MUC5B: variants seen among roughly 807,000 people sequenced by gnomAD.
MUC5B encodes mucin 5B, oligomeric mucus/gel-forming.
Under a neutral mutation model 376.9 loss-of-function variants are expected in MUC5B, and 116 were observed. That is an observed-to-expected ratio of 0.31 (90% CI 0.26 to 0.36). The LOEUF (loss-of-function observed/expected upper bound fraction) is 0.36, where lower values mean the gene tolerates loss of function less well. Ranked by LOEUF, MUC5B falls within the 10% of genes least tolerant of loss-of-function variation. The pLI, the probability that MUC5B is intolerant of heterozygous loss-of-function variation, is 1.00. For synonymous variants in MUC5B, 3,517 were observed against 3,390.9 expected, an observed-to-expected ratio of 1.04 and a Z score of -1.29; for missense variants, 7,165 against 7,769.9, an observed-to-expected ratio of 0.92 and a Z score of 2.93.
intron 31 of MUC5B, 36 bp downstream of exon 31, chr11:1,251,779 C>T: frequency 4.9e-6 from 7 of 1,431,922 alleles, no homozygotes; most frequent in Non-Finnish European, 5.8e-6. Flanking sequence ...GTACCCTTTC[C>T]CCACATGCTA....
rs1862296013 is a variant in MUC5B, at chr11:1,241,949, C to T, written c.5069C>T (p.Thr1690Ile). The T allele has an allele frequency of 6.2e-7, 1 of 1,606,300 alleles. No homozygotes were observed. The change falls in exon 31 of 49, where the codon ACA (threonine) becomes ATA (isoleucine). Residue 1690 changes from threonine to isoleucine, a missense_variant. This residue lies in a region of MUC5B where 897 missense variants were observed against 779.6 expected (regional missense o/e 1.15). Transcript: ENST00000529681. ...STEPTVPGVA[T>I]STLPTRSALP... ...GAACCCACTGTCCCAGGGGTGGCCA[C>T]ATCCACCCTTCCAACACGCTCAGCC...
intron 25 of MUC5B, among the ~76,000 whole-genome samples, chr11:1,237,376 GT>G (rs1489689527): frequency 6.6e-6 from 1 of 152,212 alleles, no homozygotes; most frequent in Non-Finnish European, 1.5e-5. Context: ...CATCTTGGCT[GT>G]TTCCCGGCCA....
At position 1,261,603 on chromosome 11, in the gene MUC5B, G is replaced by A; in HGVS notation, c.17284G>A (p.Val5762Ile). 3 of 1,602,566 alleles carry A rather than the reference G, an allele frequency of 1.9e-6. No homozygotes were observed. In the African/African-American group the frequency reaches 4.0e-5, roughly 21 times the overall value. Residue 5762 changes from valine (V) to isoleucine (I), a missense_variant, in exon 49 of 49, where the codon GTC (valine) becomes ATC (isoleucine). Transcript: ENST00000529681. ...CTTCCCGGCCCAGGAGGCCACTGCT[G>A]TCTGAGAACGTTCTGCCTCCATCCC... Reference protein sequence around the residue: ...RGFPAQEATAV With the variant: ...RGFPAQEATAI
At chr11:1,229,077 T>C in intron 8 of MUC5B, 93 bp from the exon 9 acceptor site, 2 of 1,380,198 alleles carry the variant, frequency 1.4e-6, no homozygotes, top group South Asian at 1.5e-5. Context: ...GTGGACTTGA[T>C]GGCATGTGGA....
chr11:1,250,862 C>T lies in MUC5B; in HGVS notation c.13982C>T (p.Thr4661Ile), dbSNP rs777230065. 6 of 1,604,622 alleles carry T rather than the reference C, an allele frequency of 3.7e-6. No individual in the cohort carries two copies. In the East Asian group the frequency reaches 1.4e-4, roughly 36 times the overall value. The part of the protein sequence containing the change: ...VLTTTTTTVA[T>I]GSMATPSSST... ...ACCACCACCACCACAACTGTGGCCA[C>T]TGGTTCTATGGCAACACCCTCCTCT... is the stretch of plus-strand genomic sequence containing the variant. Residue 4661 changes from threonine to isoleucine, a missense_variant, in exon 31 of 49, where the codon ACT becomes ATT. By Grantham distance (89) the Thr-to-Ile change is moderately conservative. Transcript: ENST00000529681.
rs1301802869 is a variant in MUC5B at position 1,236,129 on chromosome 11, G to A, written c.2881-257G>A. On this transcript the variant is annotated intron_variant, in intron 23 of 48. Transcript: ENST00000529681. ...GCTGGATGGGGAGCAGGGTGGGGTG[G>A]AGTGGGCCTACTGCAGCCTCTGCTG... is the stretch of plus-strand genomic sequence containing the variant. Among the ~76,000 whole-genome samples the A allele has an allele frequency of 2.6e-5, 4 of 152,260 alleles. No individual in the cohort carries two copies. The East Asian group carries it at 5.8e-4, about 22-fold the overall frequency.
intron 18 of MUC5B, 94 bp downstream of exon 18, chr11:1,233,362 T>C: frequency 5.2e-6 from 7 of 1,356,964 alleles, no homozygotes; most frequent in Non-Finnish European, 6.8e-6. Context: ...CCGAGGGTTC[T>C]GAGACATGAG....
At position 1,243,436 on chromosome 11, in the gene MUC5B, C is replaced by T. The variant is rs1175216816; in HGVS notation, c.6556C>T (p.His2186Tyr). The change falls in exon 31 of 49, where the codon CAC (histidine) becomes TAC (tyrosine). Residue 2186 changes from histidine (H) to tyrosine (Y), a missense_variant. His to Tyr is a moderately conservative substitution (Grantham distance 83, BLOSUM62 2). This residue lies in a region of MUC5B where 67 missense variants were observed against 103.0 expected (regional missense o/e 0.65). Transcript: ENST00000529681. The stretch of plus-strand genomic sequence containing the variant: ...TCCCTCCTCTGCCCTAGGGACCACC[C>T]ACACACCCCCAGTGCCGAACACCAT... ...VTPSSALGTTHTPPVPNTMAT... is the reference protein window; with the variant it reads ...VTPSSALGTTYTPPVPNTMAT... 1 of 1,480,388 alleles carries T rather than the reference C, an allele frequency of 6.8e-7. No homozygotes were observed. The highest frequency in any genetic ancestry group is 1.4e-5 in the African/African-American group (1 of 69,936). 91.7% of individuals were successfully genotyped at this position (1,480,388 alleles called of 1,614,324 possible).
chr11:1,229,596 C>T, intron 9 of MUC5B, 94 bp from the exon 10 acceptor site: 1 of 1,154,902 alleles, frequency 8.7e-7, no homozygotes, highest in Non-Finnish European at 1.2e-6. Flanking sequence ...AGGAATTCCT[C>T]CCCAAGGGAG....
In MUC5B at chr11:1,255,360, G is replaced by A. The variant is rs370026071; in HGVS notation, c.15891-23G>A. 4.1e-5 allele frequency: 64 copies of A among 1,572,798 alleles called. No homozygotes were observed. The African/African-American group carries it at 5.7e-4, about 14-fold the overall frequency. ...AGCTCCCTGGGGCTGGGGGCCCTCC[G>A]TCCTGATCGCTTTGCCCCACAGGGT... is the stretch of plus-strand genomic sequence containing the variant. On this transcript the variant is annotated intron_variant, in intron 36 of 48. Coordinates refer to ENST00000529681, the MANE Select transcript of MUC5B (RefSeq NM_002458.3).
chr11:1,236,714 G>A (rs949532147), intron 24 of MUC5B, among the ~76,000 whole-genome samples, 152 bp downstream of exon 24: 2 of 152,212 alleles, frequency 1.3e-5, no homozygotes, highest in Non-Finnish European at 2.9e-5. Flanking sequence ...AGTGGGCAGA[G>A]GATTTTGCAG....
chr11:1,239,402 TG>T (rs34074919), intron 26 of MUC5B, 35 bp from the exon 27 acceptor site: 118,431 of 1,584,942 alleles, frequency 0.075, 4,934 homozygotes, highest in Admixed American at 0.12. Context: ...TGAGGGCTGG[TG>T]GGCGCCTCCT....
In MUC5B at chr11:1,249,101, G is replaced by A; in HGVS notation, c.12221G>A (p.Arg4074Lys). The A allele has an allele frequency of 6.2e-7, 1 of 1,609,998 alleles. No individual in the cohort carries two copies. Among genetic ancestry groups the A allele is most frequent in the South Asian group, 1.1e-5 (1 of 90,824 alleles). ...PALSSPHPSS[R>K]TTESPPSPGT... ...CTGTCCAGCCCTCACCCTAGCAGCA[G>A]GACCACCGAGTCACCCCCTTCCCCA... is the stretch of plus-strand genomic sequence containing the variant. The change falls in exon 31 of 49, where the codon AGG becomes AAG. Residue 4074 changes from arginine to lysine, a missense_variant. Physicochemically the swap from Arg to Lys is conservative, Grantham distance 26. This residue lies in a region of MUC5B where 85 missense variants were observed against 78.2 expected (regional missense o/e 1.09). Transcript: ENST00000529681.
At chr11:1,229,967 C>T (rs1432963851) in intron 10 of MUC5B, 38 bp from the exon 11 acceptor site, 2 of 1,565,404 alleles carry the variant, frequency 1.3e-6, no homozygotes, top group Admixed American at 3.5e-5. Context: ...CCCACCTCCT[C>T]CCGACATGCC....
At position 1,252,952 on chromosome 11, in the gene MUC5B, G is replaced by A. The variant is rs768122464; in HGVS notation, c.15189G>A (p.Gln5063=). 1.2e-6 allele frequency: 2 copies of A among 1,612,696 alleles called. No homozygotes were observed. The highest frequency in any genetic ancestry group is 4.5e-5 in the East Asian group (2 of 44,890). ...CCATCAAAGTGTCGGACCCGAGCCA[G>A]CCCTGTGACTTCCACTATGAGTGCG... is the stretch of plus-strand genomic sequence containing the variant. ...HLPIKVSDPS[Q]PCDFHYECEC... is the part of the protein sequence containing the mutation. The change falls in exon 33 of 49, where the codon CAG becomes CAA. Residue 5063 remains glutamine (Q), a synonymous_variant. Coordinates refer to ENST00000529681, the MANE Select transcript of MUC5B (RefSeq NM_002458.3).
intron 1 of MUC5B, 184 bp downstream of exon 1, chr11:1,223,377 G>A (rs1485908837): frequency 1.5e-6 from 1 of 686,576 alleles, no homozygotes; most frequent in South Asian, 1.5e-5. Flanking sequence ...GGCTCACAGT[G>A]TCAGGAAACT....
chr11:1,240,194 T>A lies in MUC5B; in HGVS notation c.3789T>A (p.Tyr1263Ter). 6.2e-7 allele frequency: 1 copy of A among 1,605,006 alleles called. No homozygotes were observed. Among genetic ancestry groups the A allele is most frequent in the Non-Finnish European group, 8.5e-7 (1 of 1,173,328 alleles). The stretch of plus-strand genomic sequence containing the variant: ...CATCCCCAGCCTGCACCTGCACCTA[T>A]GAGGACAGGACCTACAGCTACCAGG... The part of the protein sequence containing the change: ...AHSLEACTCT[Y>*]EDRTYSYQDV... The change falls in exon 30 of 49, where the codon TAT becomes TAA. Residue 1263 changes from tyrosine (Y) to a stop codon, truncating the protein, a stop_gained. Coordinates refer to ENST00000529681, the MANE Select transcript of MUC5B (RefSeq NM_002458.3). LOFTEE classifies it high-confidence loss of function.
Position 1,231,982 on chromosome 11 carries a change from A to T in MUC5B, c.1679-14A>T. ...CAACAGTGGCCGCTGACATCCCCCA[A>T]CCCTGGCCCCCAGGCCTGTGTGGGA... On this transcript the variant is annotated splice_polypyrimidine_tract_variant and intron_variant, in intron 14 of 48. Transcript: ENST00000529681. 4 of 1,612,406 alleles carry T rather than the reference A, an allele frequency of 2.5e-6. No individual in the cohort carries two copies. Among genetic ancestry groups the T allele is most frequent in the Non-Finnish European group, 3.4e-6 (4 of 1,179,720 alleles).
In MUC5B at chr11:1,232,712, T is replaced by C. The variant is rs908229; in HGVS notation, c.2007T>C (p.Tyr669=). ...GCCTGTGCGCCGCGCTGTCCTCCTATGTGCACGCCTGTGCCGCCAAGGGCG... is the reference window on the plus strand; with the variant it reads ...GCCTGTGCGCCGCGCTGTCCTCCTACGTGCACGCCTGTGCCGCCAAGGGCG... The part of the protein sequence containing the change: ...EDCLCAALSS[Y]VHACAAKGVQ... Residue 669 remains tyrosine (Y), a synonymous_variant, in exon 17 of 49, where the codon TAT becomes TAC. Transcript: ENST00000529681. The C allele has an allele frequency of 0.51, 822,338 of 1,597,398 alleles. 213,100 individuals are homozygous for C. Among genetic ancestry groups the C allele is most frequent in the East Asian group, 0.7 (30,728 of 44,104 alleles).
Sources: gnomAD v4.1 joint callset for allele counts (sites outside exome capture counted in the v4.1 genomes callset) on GRCh38, gnomAD v4.1.1 for gene constraint, gnomAD v4.1.1 regional missense constraint, MANE v1.5 for transcripts, NCBI Gene and HGNC (gene_info 2026-07-23, HGNC 2026-07-21) for gene names.